Variants in NF1 observed in about 807,000 individuals in gnomAD.
NF1 encodes the protein neurofibromin.
In NF1, 122 loss-of-function variants were observed where a neutral mutation model predicts 325.7. That is an observed-to-expected ratio of 0.37 (90% CI 0.32 to 0.44). NF1 has a LOEUF of 0.44. Ranked by LOEUF, NF1 falls within the 20% of genes least tolerant of loss-of-function variation. The pLI is 1.00. For missense variants in NF1, 2,140 were observed against 3,415.4 expected, an observed-to-expected ratio of 0.63 and a Z score of 9.31; for synonymous variants, 1,091 against 1,186.0, an observed-to-expected ratio of 0.92 and a Z score of 1.65.
chr17:31,148,715 A>G (rs1397092565), intron 1 of NF1, among the ~76,000 whole-genome samples: 1 of 152,142 alleles, frequency 6.6e-6, no homozygotes, highest in Non-Finnish European at 1.5e-5. Context: ...AGGCACTAGG[A>G]GTCATAGAAT....
intron 36 of NF1, among the ~76,000 whole-genome samples, chr17:31,283,824 G>A (rs185501510): frequency 6.6e-6 from 1 of 152,082 alleles, no homozygotes; most frequent in Non-Finnish European, 1.5e-5. Flanking sequence ...ACATGACTAC[G>A]GTTTGAAGGA....
chr17:31,254,644 T>C (rs1383304676), intron 31 of NF1, among the ~76,000 whole-genome samples: 1 of 152,216 alleles, frequency 6.6e-6, no homozygotes, highest in Non-Finnish European at 1.5e-5. Flanking sequence ...ATTCAGGCTT[T>C]CTGTGTTTCT....
intron 1 of NF1, 80 bp downstream of exon 1, chr17:31,095,449 G>C: frequency 7.4e-7 from 1 of 1,347,414 alleles, no homozygotes; most frequent in Non-Finnish European, 1.0e-6. Context: ...AGGAGCGGCC[G>C]CCTCCCCCGC....
At chr17:31,178,340 G>A (rs999277024) in intron 5 of NF1, among the ~76,000 whole-genome samples, 1 of 152,168 alleles carries the variant, frequency 6.6e-6, no homozygotes, top group Non-Finnish European at 1.5e-5. Context: ...TCACCACCAG[G>A]CCTGCCTTAC....
In NF1 at chr17:31,229,854, A is replaced by T. The variant is rs1135402834; in HGVS notation, c.2870A>T (p.Asn957Ile). The T allele has an allele frequency of 6.2e-7, 1 of 1,611,818 alleles. No homozygotes were observed. Among genetic ancestry groups the T allele is most frequent in the Non-Finnish European group, 8.5e-7 (1 of 1,179,716 alleles). ...CTTTAGGTTTTATTGACTGATACCA[A>T]TACTCAATTTGTAGAACAAACCATA... ...SQGQVLLTDT[N>I]TQFVEQTIAI... The change falls in exon 22 of 58, where the codon AAT becomes ATT. Residue 957 changes from asparagine (N) to isoleucine (I), a missense_variant. By Grantham distance (149) the Asn-to-Ile change is moderately radical. Coordinates refer to ENST00000358273, the MANE Select transcript of NF1 (RefSeq NM_001042492.3).
At chr17:31,295,473 C>A (rs773799327) in intron 36 of NF1, 9 of 1,613,960 alleles carry the variant, frequency 5.6e-6, no homozygotes, top group Non-Finnish European at 7.6e-6. Context: ...TTAATGGTGT[C>A]CACTGTCTGC....
chr17:31,340,446 T>G, intron 46 of NF1, 59 bp from the exon 47 acceptor site: 1 of 1,610,534 alleles, frequency 6.2e-7, no homozygotes. Context: ...TGCAGTGTGT[T>G]TTGAAAGAGA....
At chr17:31,162,062 G>A (rs17885795) in intron 3 of NF1, among the ~76,000 whole-genome samples, 1,959 of 137,802 alleles carry the variant, frequency 0.014, 25 homozygotes, top group Admixed American at 0.022. Flanking sequence ...AAAAAAGAAC[G>A]AAAATATACA....
intron 4 of NF1, among the ~76,000 whole-genome samples, chr17:31,163,745 A>C (rs761201437): frequency 4.6e-5 from 7 of 152,186 alleles, no homozygotes; most frequent in Non-Finnish European, 8.8e-5. Flanking sequence ...CTAGGTATGA[A>C]CTTTTGGTTT....
chr17:31,207,816 T>A (rs2066650273), intron 12 of NF1, among the ~76,000 whole-genome samples: 1 of 152,202 alleles, frequency 6.6e-6, no homozygotes, highest in South Asian at 2.1e-4. Flanking sequence ...ATTCCAGAGA[T>A]CTGGGAAATC....
At chr17:31,294,641 A>G (rs1438944255) in intron 36 of NF1, 1 of 224,198 alleles carries the variant, frequency 4.5e-6, no homozygotes, top group Non-Finnish European at 9.0e-6. Flanking sequence ...AAGCCAAATG[A>G]CACAGTTATG....
chr17:31,325,390 G>C (rs1184590940), intron 36 of NF1, among the ~76,000 whole-genome samples: 1 of 152,216 alleles, frequency 6.6e-6, no homozygotes, highest in African/African-American at 2.4e-5. Context: ...GGCCCTGGTT[G>C]TCCTGGTTTG....
intron 8 of NF1, among the ~76,000 whole-genome samples, chr17:31,184,659 ATAAAAAAAAAAAAT>A (rs1299192292): frequency 8.9e-5 from 13 of 145,552 alleles, no homozygotes; most frequent in African/African-American, 3.1e-4. Context: ...AAAAAAAAAA[ATAAAAAAAAAAAAT>A]AAAAAAATAA....
At chr17:31,318,497 C>T (rs184707635) in intron 36 of NF1, 11 of 1,613,900 alleles carry the variant, frequency 6.8e-6, no homozygotes, top group Non-Finnish European at 9.3e-6. Context: ...TGACGCTTGC[C>T]TACTTGTTTT....
At chr17:31,223,406 T>C (rs1270509242) in intron 15 of NF1, 38 bp from the exon 16 acceptor site, 1 of 1,607,052 alleles carries the variant, frequency 6.2e-7, no homozygotes, top group Non-Finnish European at 8.5e-7. Flanking sequence ...ATTAGGTTAT[T>C]GATGATGCTA....
chr17:31,106,776 A>G (rs766779581), intron 1 of NF1, among the ~76,000 whole-genome samples: 6 of 152,124 alleles, frequency 3.9e-5, no homozygotes, highest in Non-Finnish European at 8.8e-5. Flanking sequence ...AAGTTGTAAC[A>G]TTGTTTCCCT....
chr17:31,228,089 T>C (rs1033281347), intron 20 of NF1, among the ~76,000 whole-genome samples: 1 of 152,254 alleles, frequency 6.6e-6, no homozygotes, highest in Non-Finnish European at 1.5e-5. Flanking sequence ...TTCATTTTGC[T>C]ATTTTGTTAG....
At chr17:31,108,273 T>C (rs989117808) in intron 1 of NF1, among the ~76,000 whole-genome samples, 2 of 136,606 alleles carry the variant, frequency 1.5e-5, no homozygotes, top group African/African-American at 5.7e-5. Flanking sequence ...TTTTTTTTTT[T>C]TTTTTTTTTT....
chr17:31,143,185 A>G (rs1916353053), intron 1 of NF1, among the ~76,000 whole-genome samples: 1 of 152,028 alleles, frequency 6.6e-6, no homozygotes, highest in Admixed American at 6.6e-5. Context: ...CTCCAATATT[A>G]TTAAATTATT....
Sources: allele counts gnomAD v4.1 joint callset (sites outside exome capture counted in the v4.1 genomes callset), GRCh38; gene constraint gnomAD v4.1.1; transcripts MANE v1.5; gene names NCBI Gene and HGNC (gene_info 2026-07-23, HGNC 2026-07-21).